SND1: variants seen among roughly 807,000 people sequenced by gnomAD.
SND1 encodes staphylococcal nuclease and tudor domain containing 1.
In SND1, 38 loss-of-function variants were observed where a neutral mutation model predicts 121.7. That is an observed-to-expected ratio of 0.31 (90% CI 0.24 to 0.41). The LOEUF is 0.41. SND1 is among the 10% of genes least tolerant of loss of function. The pLI is 1.00. For synonymous variants in SND1, 401 were observed against 447.4 expected (o/e 0.90, Z 1.31); for missense variants, 868 against 1,184.6 (o/e 0.73, Z 3.92).
chr7:127,663,577 C>T (rs976010031), intron 1 of SND1, among the ~76,000 whole-genome samples: 4 of 151,976 alleles, frequency 2.6e-5, no homozygotes, highest in South Asian at 2.1e-4. Context: ...GGGGTTTCAC[C>T]GTGTTGGCCA....
chr7:128,044,263 G>A (rs1029762677), intron 16 of SND1, among the ~76,000 whole-genome samples: 8 of 152,224 alleles, frequency 5.3e-5, no homozygotes, highest in African/African-American at 1.9e-4. Flanking sequence ...TCCACTCGGT[G>A]TGGTCAAGGA....
intron 15 of SND1, among the ~76,000 whole-genome samples, chr7:127,934,242 T>G (rs1801009655): frequency 6.6e-6 from 1 of 152,112 alleles, no homozygotes; most frequent in African/African-American, 2.4e-5. Flanking sequence ...TGTAGAGGTA[T>G]GAATATCTGC....
intron 10 of SND1, among the ~76,000 whole-genome samples, chr7:127,784,727 G>C (rs78187266): frequency 0.018 from 2,668 of 152,276 alleles, 33 homozygotes; most frequent in Middle Eastern, 0.027. Flanking sequence ...GAAAGTGGTA[G>C]AGAGGCTGGA....
intron 10 of SND1, among the ~76,000 whole-genome samples, chr7:127,738,690 T>C (rs1796824151): frequency 6.6e-6 from 1 of 152,284 alleles, no homozygotes; most frequent in Middle Eastern, 3.4e-3. Flanking sequence ...CCCTGAGGTC[T>C]TTTTCTTAAC....
At chr7:127,820,464 C>CA (rs1190965868) in intron 11 of SND1, among the ~76,000 whole-genome samples, 1 of 152,192 alleles carries the variant, frequency 6.6e-6, no homozygotes, top group Non-Finnish European at 1.5e-5. Context: ...AGATCAAAGA[C>CA]AAAGATGAGT....
chr7:128,050,499 A>T (rs537916834), intron 16 of SND1, among the ~76,000 whole-genome samples: 1 of 152,366 alleles, frequency 6.6e-6, no homozygotes, highest in East Asian at 1.9e-4. Context: ...CAAGGACTTC[A>T]TTAGTTATCG....
chr7:127,786,093 C>T (rs1052535831), intron 10 of SND1, among the ~76,000 whole-genome samples: 5 of 151,844 alleles, frequency 3.3e-5, no homozygotes, highest in Non-Finnish European at 5.9e-5. Context: ...TTGTTGACAT[C>T]CTTTTTTTTT....
intron 11 of SND1, 108 bp downstream of exon 11, chr7:127,807,681 A>G: frequency 1.2e-6 from 1 of 800,582 alleles, no homozygotes; most frequent in South Asian, 1.5e-5. Context: ...ACACTTCTCC[A>G]TCAAGTCAAA....
At chr7:127,803,103 T>C (rs946592339) in intron 10 of SND1, among the ~76,000 whole-genome samples, 2 of 152,234 alleles carry the variant, frequency 1.3e-5, no homozygotes, top group African/African-American at 4.8e-5. Flanking sequence ...AAGTCAGCTC[T>C]GTGTCTTCAT....
intron 14 of SND1, among the ~76,000 whole-genome samples, chr7:127,918,165 A>G (rs994400017): frequency 6.6e-6 from 1 of 151,556 alleles, no homozygotes; most frequent in African/African-American, 2.4e-5. Context: ...CACAAGTTCA[A>G]GTGATTCTCA....
chr7:127,847,953 C>T (rs964038512), intron 12 of SND1, among the ~76,000 whole-genome samples: 1 of 152,068 alleles, frequency 6.6e-6, no homozygotes, highest in Admixed American at 6.6e-5. Context: ...TAAACTTGGC[C>T]ATTTAGGATA....
intron 10 of SND1, among the ~76,000 whole-genome samples, chr7:127,799,412 A>G (rs1272035573): frequency 2.0e-5 from 3 of 152,206 alleles, no homozygotes; most frequent in South Asian, 2.1e-4. Context: ...TGATAGGGTT[A>G]TCTGTAACTA....
intron 16 of SND1, chr7:128,042,434 C>T (rs1034828072): frequency 6.6e-6 from 1 of 152,286 alleles, no homozygotes; most frequent in East Asian, 1.9e-4. Flanking sequence ...AGGATCCATT[C>T]AAGGTGGTGC....
At chr7:128,091,795 A>C in intron 22 of SND1, 42 bp from the exon 23 acceptor site, 1 of 1,608,358 alleles carries the variant, frequency 6.2e-7, no homozygotes, top group South Asian at 1.1e-5. Context: ...TGATCATTTG[A>C]GGGCAACTCT....
At chr7:127,894,955 G>A (rs1028339641) in intron 13 of SND1, among the ~76,000 whole-genome samples, 1 of 151,950 alleles carries the variant, frequency 6.6e-6, no homozygotes, top group South Asian at 2.1e-4. Flanking sequence ...AGTACTGCTG[G>A]ATATTGCTGT....
In SND1 at chr7:127,808,836, T is replaced by C. The variant is rs1468598316; in HGVS notation, c.1242+1263T>C. Among the ~76,000 whole-genome samples, 6 of 152,248 alleles carry C rather than the reference T, an allele frequency of 3.9e-5. No individual in the cohort carries two copies. The South Asian group carries it at 6.2e-4, about 16-fold the overall frequency. On this transcript the variant is annotated intron_variant, in intron 11 of 23. Transcript: ENST00000354725. ...ACATCTCTATTACACCAAGTTGATATCATTTCGCTCATTTACTGGCTTATA... is the reference window on the plus strand; with the variant it reads ...ACATCTCTATTACACCAAGTTGATACCATTTCGCTCATTTACTGGCTTATA...
intron 10 of SND1, among the ~76,000 whole-genome samples, chr7:127,781,578 G>C (rs1196179772): frequency 1.5e-5 from 1 of 66,972 alleles, no homozygotes; most frequent in Admixed American, 2.0e-4. Flanking sequence ...AAACTTTTTT[G>C]TTCATTTGAT....
intron 13 of SND1, among the ~76,000 whole-genome samples, chr7:127,902,382 G>T (rs1034692178): frequency 6.6e-6 from 1 of 152,228 alleles, no homozygotes; most frequent in Non-Finnish European, 1.5e-5. Context: ...TATGGTCAGG[G>T]TGGGAAGGAG....
chr7:127,734,569 A>G (rs754937161), intron 10 of SND1, among the ~76,000 whole-genome samples: 4 of 152,190 alleles, frequency 2.6e-5, no homozygotes, highest in Non-Finnish European at 5.9e-5. Context: ...AAATGGTTGG[A>G]AGAAAATACA....
Sources: allele counts gnomAD v4.1 joint callset (sites outside exome capture counted in the v4.1 genomes callset), GRCh38; gene constraint gnomAD v4.1.1; transcripts MANE v1.5; gene names NCBI Gene and HGNC (gene_info 2026-07-23, HGNC 2026-07-21).